Variants in PCDHGA3 observed in about 807,000 individuals in gnomAD.
PCDHGA3 encodes the protein protocadherin gamma subfamily A, 3.
A neutral mutation model predicts 58.5 loss-of-function variants in PCDHGA3; 40 were observed. The ratio of observed to expected loss-of-function variants is 0.68; its 90% CI spans 0.53 to 0.89. The LOEUF is 0.89. Ranked by LOEUF, PCDHGA3 falls within the 40% of genes least tolerant of loss-of-function variation. The probability of loss-of-function intolerance (pLI) is 0.00; values close to 1 mark genes in which losing one functional copy is unlikely to be tolerated. For synonymous variants in PCDHGA3, 530 were observed against 525.7 expected (o/e 1.01, Z -0.11); for missense variants, 1,223 against 1,195.9 (o/e 1.02, Z -0.33).
In PCDHGA3 at chr5:141,491,778, C is replaced by T. The variant is rs568710854; in HGVS notation, c.2425-3029C>T. 3.1e-4 allele frequency: 482 copies of T among 1,547,678 alleles called. No homozygotes were observed. The highest frequency in any genetic ancestry group is 2.2e-3 in the Middle Eastern group (13 of 5,890). On this transcript the variant is annotated intron_variant, in intron 1 of 3. Transcript: ENST00000253812. This position sits in a 1 kb window ranked among gnomAD's most constrained non-coding sequence, Gnocchi z 6.9. Reference sequence around the variant, plus strand: ...CCGCCCGTCCTCATAAGGGATTGAACTTGCATCCACTCCTCTCCGGCCGGC... The same window carrying T: ...CCGCCCGTCCTCATAAGGGATTGAATTTGCATCCACTCCTCTCCGGCCGGC...
intron 1 of PCDHGA3, chr5:141,351,549 C>T (rs1261569465): frequency 1.2e-6 from 2 of 1,614,036 alleles, no homozygotes; most frequent in South Asian, 1.1e-5. Flanking sequence ...GCCCTTTCCT[C>T]CAGGACAAGC....
intron 1 of PCDHGA3, chr5:141,426,887 G>C (rs1309180455): frequency 6.6e-6 from 3 of 456,646 alleles, no homozygotes; most frequent in South Asian, 4.6e-5. Context: ...TGGGCCAGGA[G>C]CAACAGAGCT....
intron 1 of PCDHGA3, among the ~76,000 whole-genome samples, chr5:141,368,347 A>C (rs1019571086): frequency 1.3e-5 from 2 of 152,112 alleles, no homozygotes; most frequent in Non-Finnish European, 2.9e-5. Context: ...ATACATATAC[A>C]CACACATATA....
intron 1 of PCDHGA3, chr5:141,374,414 G>A: frequency 1.9e-6 from 3 of 1,614,026 alleles, no homozygotes; most frequent in Non-Finnish European, 1.7e-6. Context: ...CATCCTTGTC[G>A]AGGATAAACT....
chr5:141,422,775 T>G (rs1179216247), intron 1 of PCDHGA3: 1 of 1,614,046 alleles, frequency 6.2e-7, no homozygotes, highest in Non-Finnish European at 8.5e-7. Context: ...GTGTTCTCTA[T>G]GCCCTACAAT....
chr5:141,376,948 A>T (rs1369934638), intron 1 of PCDHGA3: 1 of 164,970 alleles, frequency 6.1e-6, no homozygotes, highest in South Asian at 1.6e-4. Context: ...CGGCCTCCCA[A>T]AGTGCTGGGA....
intron 1 of PCDHGA3, chr5:141,376,012 G>A: frequency 6.2e-7 from 1 of 1,613,402 alleles, no homozygotes; most frequent in Non-Finnish European, 8.5e-7. Flanking sequence ...AGAGCCTAGT[G>A]GTGGCCGTCC....
chr5:141,423,730 A>G, intron 1 of PCDHGA3: 1 of 831,022 alleles, frequency 1.2e-6, no homozygotes. Flanking sequence ...ATGTTTTTTG[A>G]GCCTGTTATG....
chr5:141,418,822 A>C (rs780172404), intron 1 of PCDHGA3: 9 of 1,613,988 alleles, frequency 5.6e-6, no homozygotes, highest in Non-Finnish European at 7.6e-6. Flanking sequence ...ACATAGAAGC[A>C]AAAGACCGAG....
intron 1 of PCDHGA3, among the ~76,000 whole-genome samples, chr5:141,448,581 T>A (rs570781751): frequency 2.0e-5 from 3 of 152,274 alleles, no homozygotes; most frequent in African/African-American, 7.2e-5. Context: ...CCATTTTTTT[T>A]ACAAAAAGAT....
chr5:141,349,772 T>C (rs1282958709), intron 1 of PCDHGA3, among the ~76,000 whole-genome samples: 1 of 152,094 alleles, frequency 6.6e-6, no homozygotes, highest in Non-Finnish European at 1.5e-5. Context: ...AGTTTATAAA[T>C]ATAGTGAAAT....
intron 1 of PCDHGA3, chr5:141,371,592 A>G: frequency 6.2e-7 from 1 of 1,614,000 alleles, no homozygotes; most frequent in Non-Finnish European, 8.5e-7. Context: ...AGATACCAAA[A>G]ACACATACAG....
At chr5:141,422,007 T>A in intron 1 of PCDHGA3, 1 of 1,609,966 alleles carries the variant, frequency 6.2e-7, no homozygotes, top group Non-Finnish European at 8.5e-7. Context: ...GCTCCGGAAC[T>A]CGGGTGCTGA....
chr5:141,483,756 G>C (rs11739909), intron 1 of PCDHGA3, among the ~76,000 whole-genome samples: 24,641 of 152,020 alleles, frequency 0.16, 2,128 homozygotes, highest in African/African-American at 0.22. Context: ...GAGGATCGAG[G>C]CTTGGAAAAA....
chr5:141,451,593 C>A (rs2098719809), intron 1 of PCDHGA3, among the ~76,000 whole-genome samples: 1 of 152,042 alleles, frequency 6.6e-6, no homozygotes, highest in African/African-American at 2.4e-5. Context: ...TTGAAAGTGA[C>A]ATACAAGGCT....
At chr5:141,457,750 C>G (rs900052683) in intron 1 of PCDHGA3, among the ~76,000 whole-genome samples, 4 of 152,188 alleles carry the variant, frequency 2.6e-5, no homozygotes, top group African/African-American at 9.6e-5. Flanking sequence ...AAGCTGAGCC[C>G]AGACATGGGT....
intron 1 of PCDHGA3, among the ~76,000 whole-genome samples, chr5:141,482,791 G>T (rs1039924143): frequency 2.6e-5 from 4 of 152,168 alleles, no homozygotes; most frequent in African/African-American, 9.7e-5. Flanking sequence ...TGTGTGTGTG[G>T]CCGGGTACGG....
chr5:141,371,455 A>G (rs1030277886), intron 1 of PCDHGA3: 3 of 1,613,904 alleles, frequency 1.9e-6, no homozygotes, highest in Non-Finnish European at 2.5e-6. Context: ...TCTGAATCCC[A>G]ACATATACAA....
chr5:141,348,420 A>G (rs557706191), intron 1 of PCDHGA3, among the ~76,000 whole-genome samples: 3 of 152,358 alleles, frequency 2.0e-5, no homozygotes, highest in South Asian at 2.1e-4. Flanking sequence ...AAAGGCACGT[A>G]ACTTTTAACA....
Sources: allele counts gnomAD v4.1 joint callset (sites outside exome capture counted in the v4.1 genomes callset), GRCh38; gene constraint gnomAD v4.1.1; non-coding constraint Gnocchi (gnomAD v3.1); transcripts MANE v1.5; gene names NCBI Gene and HGNC (gene_info 2026-07-23, HGNC 2026-07-21).